CNTNAP2: variants seen among roughly 807,000 people sequenced by gnomAD.
CNTNAP2 encodes the protein contactin-associated protein-like 2.
CNTNAP2 carries 98 observed loss-of-function variants against 155.2 expected under a neutral mutation model. The ratio of observed to expected loss-of-function variants is 0.63; its 90% CI spans 0.54 to 0.75. The LOEUF (loss-of-function observed/expected upper bound fraction) is 0.75, where lower values mean the gene tolerates loss of function less well. Among genes scored for constraint, CNTNAP2 ranks in the 30% least tolerant of loss-of-function variants. The pLI is 0.00. For missense variants in CNTNAP2, 1,727 were observed against 1,688.1 expected, an observed-to-expected ratio of 1.02 and a Z score of -0.40; for synonymous variants, 651 against 631.2, an observed-to-expected ratio of 1.03 and a Z score of -0.47.
chr7:147,136,014 A>T (rs2129286081), intron 8 of CNTNAP2, among the ~76,000 whole-genome samples: 1 of 151,034 alleles, frequency 6.6e-6, no homozygotes, highest in Non-Finnish European at 1.5e-5. Flanking sequence ...GTACATTACT[A>T]TTTGAATTAT....
At chr7:146,350,738 A>C (rs1444495224) in intron 1 of CNTNAP2, among the ~76,000 whole-genome samples, 2 of 152,088 alleles carry the variant, frequency 1.3e-5, no homozygotes, top group African/African-American at 4.8e-5. Context: ...ACGTATGTTT[A>C]TTGCGGCACT....
intron 4 of CNTNAP2, among the ~76,000 whole-genome samples, chr7:147,057,243 G>A (rs957057771): frequency 1.1e-4 from 16 of 152,238 alleles, no homozygotes; most frequent in Admixed American, 9.8e-4. Flanking sequence ...CCAACAGTGT[G>A]GACCCAGCCT....
chr7:146,579,051 A>G (rs2129147380), intron 1 of CNTNAP2, among the ~76,000 whole-genome samples: 1 of 152,204 alleles, frequency 6.6e-6, no homozygotes, highest in South Asian at 2.1e-4. Flanking sequence ...TTGTCTACTA[A>G]ATATGTTTTT....
intron 13 of CNTNAP2, among the ~76,000 whole-genome samples, chr7:147,701,337 A>T (rs1052612324): frequency 6.6e-6 from 1 of 152,180 alleles, no homozygotes; most frequent in Non-Finnish European, 1.5e-5. Flanking sequence ...GCCTGTCATT[A>T]CTGATAACTG....
At chr7:147,628,306 G>A (rs1194307351) in intron 12 of CNTNAP2, among the ~76,000 whole-genome samples, 2 of 152,198 alleles carry the variant, frequency 1.3e-5, no homozygotes, top group Non-Finnish European at 2.9e-5. Context: ...TTACAAGACA[G>A]AAAGAATTGG....
At chr7:146,636,071 G>T (rs891902699) in intron 1 of CNTNAP2, among the ~76,000 whole-genome samples, 2 of 151,690 alleles carry the variant, frequency 1.3e-5, no homozygotes, top group African/African-American at 2.4e-5. Context: ...CATTTTTCCT[G>T]TTATTAAAAT....
Position 147,349,458 on chromosome 7 carries a change from T to C in CNTNAP2, c.1499-46151T>C, listed in dbSNP as rs572387843. ...GTGAATTTTTAAGTTCAAATAATAGTGACATAGGTGCCTGCTATTTTGTAG... is the reference window on the plus strand; with the variant it reads ...GTGAATTTTTAAGTTCAAATAATAGCGACATAGGTGCCTGCTATTTTGTAG... On this transcript the variant is annotated intron_variant, in intron 9 of 23. Coordinates refer to ENST00000361727, the MANE Select transcript of CNTNAP2 (RefSeq NM_014141.6). 5.3e-5 allele frequency among the ~76,000 whole-genome samples: 8 copies of C among 152,032 alleles called. No homozygotes were observed. In the South Asian group the frequency reaches 1.4e-3, roughly 28 times the overall value.
chr7:147,264,978 A>C (rs184456169), intron 8 of CNTNAP2, among the ~76,000 whole-genome samples: 1 of 151,996 alleles, frequency 6.6e-6, no homozygotes, highest in Admixed American at 6.5e-5. Context: ...GCGAAGTTCA[A>C]TAGGTAGACT....
chr7:147,184,944 G>C (rs1465370336), intron 8 of CNTNAP2, among the ~76,000 whole-genome samples: 1 of 152,126 alleles, frequency 6.6e-6, no homozygotes, highest in Admixed American at 6.6e-5. Context: ...TTGGGAAAAC[G>C]TTGGTAATGC....
intron 15 of CNTNAP2, among the ~76,000 whole-genome samples, chr7:148,077,476 C>T (rs371375062): frequency 6.6e-6 from 1 of 152,114 alleles, no homozygotes; most frequent in East Asian, 1.9e-4. Context: ...ATGTTCCCTG[C>T]TTTGTTGCTT....
At chr7:146,661,317 T>C (rs1333641383) in intron 1 of CNTNAP2, among the ~76,000 whole-genome samples, 1 of 152,144 alleles carries the variant, frequency 6.6e-6, no homozygotes, top group Non-Finnish European at 1.5e-5. Context: ...TAAATCATAC[T>C]TTAATGCATT....
intron 21 of CNTNAP2, among the ~76,000 whole-genome samples, chr7:148,357,774 G>A (rs1218525262): frequency 6.6e-6 from 1 of 152,148 alleles, no homozygotes; most frequent in African/African-American, 2.4e-5. Context: ...CTAAATTCTT[G>A]TATGCACACA....
chr7:147,619,669 A>G (rs1303054424), intron 12 of CNTNAP2, among the ~76,000 whole-genome samples: 2 of 152,186 alleles, frequency 1.3e-5, no homozygotes, highest in Non-Finnish European at 2.9e-5. Context: ...GTACAACAGA[A>G]CAGGTGGAGT....
chr7:146,567,175 A>G (rs986370028), intron 1 of CNTNAP2, among the ~76,000 whole-genome samples: 1 of 152,216 alleles, frequency 6.6e-6, no homozygotes, highest in Non-Finnish European at 1.5e-5. Flanking sequence ...AGACACTAGA[A>G]TGATAAGAAT....
chr7:147,039,215 T>C lies in CNTNAP2; in HGVS notation c.403-4692T>C, dbSNP rs147932751. On this transcript the variant is annotated intron_variant, in intron 3 of 23. Coordinates refer to ENST00000361727, the MANE Select transcript of CNTNAP2 (RefSeq NM_014141.6). ...GTGTATGTGTGTATGTGTATATATA[T>C]AGACACATATTCAGGTTCAGGAGTA... Among the ~76,000 whole-genome samples the C allele has an allele frequency of 1.1e-4, 17 of 152,050 alleles. No homozygotes were observed. The East Asian group carries it at 3.3e-3, about 29-fold the overall frequency.
chr7:146,781,290 G>C (rs1438615773), intron 2 of CNTNAP2, among the ~76,000 whole-genome samples: 1 of 148,730 alleles, frequency 6.7e-6, no homozygotes, highest in Non-Finnish European at 1.5e-5. Flanking sequence ...GTAAGCCACC[G>C]TGGCACATGT....
chr7:148,267,432 A>T (rs754827917), intron 21 of CNTNAP2, among the ~76,000 whole-genome samples: 2 of 152,088 alleles, frequency 1.3e-5, no homozygotes, highest in African/African-American at 4.8e-5. Flanking sequence ...AGGCTGGTGG[A>T]TCACTTGAGG....
chr7:147,043,920 A>G lies in CNTNAP2; in HGVS notation c.416A>G (p.Asn139Ser), dbSNP rs370517200. 32 of 1,614,038 alleles carry G rather than the reference A, an allele frequency of 2.0e-5. No homozygotes were observed. The Middle Eastern group carries it at 8.2e-4, about 41-fold the overall frequency. Reference sequence around the variant, plus strand: ...TTCCTTTTCCAGGCATTTCCCGGAAACATTAACTCTGACGGTGTGGTCCGG... The same window carrying G: ...TTCCTTTTCCAGGCATTTCCCGGAAGCATTAACTCTGACGGTGTGGTCCGG... ...QDGNIWAFPG[N>S]INSDGVVRHE... Residue 139 changes from asparagine to serine, a missense_variant, in exon 4 of 24, where the codon AAC becomes AGC. Physicochemically the swap from Asn to Ser is conservative, Grantham distance 46 (BLOSUM62 1). Transcript: ENST00000361727.
At chr7:147,238,189 TA>T (rs1446208526) in intron 8 of CNTNAP2, among the ~76,000 whole-genome samples, 1 of 152,084 alleles carries the variant, frequency 6.6e-6, no homozygotes, top group Non-Finnish European at 1.5e-5. Context: ...TAATTTTTTG[TA>T]GTTTTTAGTA....
Sources: gnomAD v4.1 joint callset for allele counts (sites outside exome capture counted in the v4.1 genomes callset) on GRCh38, gnomAD v4.1.1 for gene constraint, MANE v1.5 for transcripts, NCBI Gene and HGNC (gene_info 2026-07-23, HGNC 2026-07-21) for gene names.